MGAT1: variants seen among roughly 807,000 people sequenced by gnomAD.
MGAT1 encodes the protein alpha-1,3-mannosyl-glycoprotein 2-beta-N-acetylglucosaminyltransferase.
Under a neutral mutation model 31.7 loss-of-function variants are expected in MGAT1, and 14 were observed. The ratio of observed to expected loss-of-function variants is 0.44; its 90% CI spans 0.29 to 0.69. The LOEUF is 0.69. MGAT1 is among the 30% of genes least tolerant of loss of function. MGAT1 has a pLI of 0.12. For synonymous variants in MGAT1, 338 were observed against 276.0 expected, an observed-to-expected ratio of 1.22 and a Z score of -2.23; for missense variants, 557 against 626.0, an observed-to-expected ratio of 0.89 and a Z score of 1.18.
Position 180,786,773 on chromosome 5 carries a change from G to C in MGAT1, c.*4861C>G, listed in dbSNP as rs1327231691. Reference sequence around the variant, plus strand: ...TGACGGTGGAGGAACCCCCACACCAGCCTGCACCATCGACCTCTCATTTCC... The same window carrying C: ...TGACGGTGGAGGAACCCCCACACCACCCTGCACCATCGACCTCTCATTTCC... On this transcript the variant is annotated 3_prime_UTR_variant, in exon 2 of 2. Transcript: ENST00000307826. 1 of 152,506 alleles carries C rather than the reference G, an allele frequency of 6.6e-6. No individual in the cohort carries two copies. The highest frequency in any genetic ancestry group is 2.4e-5 in the African/African-American group (1 of 41,468). 9.4% of individuals were successfully genotyped at this position (152,506 alleles called of 1,614,324 possible).
chr5:180,813,899 G>A (rs896254074), intron 1 of MGAT1, among the ~76,000 whole-genome samples: 1 of 152,142 alleles, frequency 6.6e-6, no homozygotes, highest in African/African-American at 2.4e-5. Context: ...GTAGCCAGAG[G>A]GGCTACCTAC....
At chr5:180,793,203 G>A in intron 1 of MGAT1, 106 bp from the exon 2 acceptor site, 1 of 589,628 alleles carries the variant, frequency 1.7e-6, no homozygotes, top group Non-Finnish European at 3.0e-6. Flanking sequence ...GAGGGTGGAG[G>A]AAGGCCAGGA....
chr5:180,806,763 C>A (rs1054475339), upstream of MGAT1, among the ~76,000 whole-genome samples: 1 of 152,220 alleles, frequency 6.6e-6, no homozygotes, highest in Non-Finnish European at 1.5e-5. Flanking sequence ...GACTGGATCA[C>A]GTGATAGAAG....
chr5:180,801,844 C>T (rs1770836891), intron 1 of MGAT1, among the ~76,000 whole-genome samples: 1 of 152,142 alleles, frequency 6.6e-6, no homozygotes, highest in Admixed American at 6.5e-5. Flanking sequence ...TCAGGCATAC[C>T]GCAGTGCTTC....
chr5:180,786,614 C>T lies in MGAT1; in HGVS notation c.*5020G>A, dbSNP rs1278705195. On this transcript the variant is annotated 3_prime_UTR_variant, in exon 2 of 2. Transcript: ENST00000307826. The stretch of plus-strand genomic sequence containing the variant: ...CTTCCAAGAGAGGAGGAGGCAGCTG[C>T]CATCCACCCTTTACCTTCTTCCTTC... 6.6e-6 allele frequency: 1 copy of T among 152,416 alleles called. No homozygotes were observed. Among genetic ancestry groups the T allele is most frequent in the Admixed American group, 6.5e-5 (1 of 15,276 alleles). 9.4% of individuals were successfully genotyped at this position (152,416 alleles called of 1,614,324 possible).
chr5:180,791,767 C>T lies in MGAT1; in HGVS notation c.1205G>A (p.Gly402Asp). The T allele has an allele frequency of 6.2e-7, 1 of 1,614,076 alleles. No homozygotes were observed. The highest frequency in any genetic ancestry group is 8.5e-7 in the Non-Finnish European group (1 of 1,179,926). Residue 402 changes from glycine (G) to aspartate (D), a missense_variant, in exon 2 of 2, where the codon GGT (glycine) becomes GAT (aspartate). Gly to Asp is a moderately conservative substitution (Grantham distance 94, BLOSUM62 -1). Transcript: ENST00000307826. ...DSFKAFAKAL[G>D]VMDDLKSGVP... ...CCCCGACTTAAGGTCATCCATGACA[C>T]CCAGAGCCTTGGCGAAAGCCTTGAA...
Position 180,792,098 on chromosome 5 carries a change from T to G in MGAT1, c.874A>C (p.Met292Leu). Reference protein sequence around the residue: ...KWPKAFWDDWMRRPEQRQGRA... With the variant: ...KWPKAFWDDWLRRPEQRQGRA... ...CCCTGCCGCTGCTCCGGCCGCCGCA[T>G]CCAGTCGTCCCAGAAGGCCTTTGGC... The change falls in exon 2 of 2, where the codon ATG (methionine) becomes CTG (leucine). Residue 292 changes from methionine to leucine, a missense_variant. Physicochemically the swap from Met to Leu is conservative, Grantham distance 15. This residue lies in a region of MGAT1 where 245 missense variants were observed against 332.9 expected (regional missense o/e 0.74). Transcript: ENST00000307826. 6.2e-7 allele frequency: 1 copy of G among 1,613,276 alleles called. No homozygotes were observed. Among genetic ancestry groups the G allele is most frequent in the Non-Finnish European group, 8.5e-7 (1 of 1,179,902 alleles).
Position 180,789,794 on chromosome 5 carries a change from G to A in MGAT1, c.*1840C>T, listed in dbSNP as rs12163951. On this transcript the variant is annotated 3_prime_UTR_variant, in exon 2 of 2. Coordinates refer to ENST00000307826, the MANE Select transcript of MGAT1 (RefSeq NM_002406.4). ...AGGTGTGTGCCACCATGCCCAGCAA[G>A]TTTTTGTATTTTTAGTAGAGTATTT... 0.22 allele frequency: 33,413 copies of A among 151,822 alleles called. 3,894 individuals are homozygous for A. Among genetic ancestry groups the A allele is most frequent in the South Asian group, 0.35 (1,709 of 4,816 alleles). The allele number at this position is 151,822 out of a possible 1,614,324, so 9.4% of individuals were successfully genotyped here.
chr5:180,801,529 A>G (rs973947213), intron 1 of MGAT1, among the ~76,000 whole-genome samples: 1 of 152,228 alleles, frequency 6.6e-6, no homozygotes, highest in East Asian at 1.9e-4. Flanking sequence ...TACACTAAAT[A>G]ATTCAAGAGT....
At chr5:180,808,109 G>C (rs1304092846) in intron 2 of MGAT1, among the ~76,000 whole-genome samples, 2 of 152,158 alleles carry the variant, frequency 1.3e-5, no homozygotes, top group African/African-American at 2.4e-5. Flanking sequence ...ACTCCTTCCT[G>C]ACCCCCAAAC....
chr5:180,800,681 GGGAACCAC>G (rs1237748153), intron 1 of MGAT1, among the ~76,000 whole-genome samples: 1 of 152,150 alleles, frequency 6.6e-6, no homozygotes, highest in Non-Finnish European at 1.5e-5. Context: ...CACTGGTCAA[GGGAACCAC>G]AAGTCCCTAT....
chr5:180,802,496 C>A (rs1181950179), intron 1 of MGAT1, among the ~76,000 whole-genome samples, 184 bp downstream of exon 1: 3 of 152,184 alleles, frequency 2.0e-5, no homozygotes, highest in Non-Finnish European at 2.9e-5. Flanking sequence ...TCCAACCTCT[C>A]GGCTCGGGAA....
rs762882398 is a variant in MGAT1, at chr5:180,792,966, C to G, written c.6G>C (p.Leu2=). The G allele has an allele frequency of 1.9e-5, 31 of 1,613,316 alleles. 1 individual carries two copies. In the South Asian group the frequency reaches 3.4e-4, roughly 18 times the overall value. M[L]KKQSAGLVLW... is the part of the protein sequence containing the mutation. ...GCACAAGCCCTGCAGACTGCTTCTT[C>G]AGCATCCTGGCCCCCACCGGGGAGG... is the stretch of plus-strand genomic sequence containing the variant. Residue 2 remains leucine (L), a synonymous_variant, in exon 2 of 2, where the codon CTG becomes CTC. Coordinates refer to ENST00000307826, the MANE Select transcript of MGAT1 (RefSeq NM_002406.4).
In MGAT1 at chr5:180,799,292, T is replaced by G. The variant is rs1361228772; in HGVS notation, c.-127+3388A>C. Among the ~76,000 whole-genome samples, 6 of 152,124 alleles carry G rather than the reference T, an allele frequency of 3.9e-5. No individual in the cohort carries two copies. In the South Asian group the frequency reaches 8.3e-4, roughly 21 times the overall value. On this transcript the variant is annotated intron_variant, in intron 1 of 1. Transcript: ENST00000307826. ...ACCCTGCACTCTGGCCTCAGCAGGC[T>G]GCTTTTTCCCCAGTAAGCATATACC...
chr5:180,807,134 A>G (rs1771981549), upstream of MGAT1, among the ~76,000 whole-genome samples: 1 of 152,216 alleles, frequency 6.6e-6, no homozygotes, highest in Admixed American at 6.5e-5. Context: ...AAAAAAATTT[A>G]ACATGGAAAG....
At chr5:180,797,685 A>G (rs977734036) in intron 1 of MGAT1, among the ~76,000 whole-genome samples, 1 of 149,688 alleles carries the variant, frequency 6.7e-6, no homozygotes, top group Admixed American at 6.6e-5. Context: ...ACACACATGG[A>G]GTGGCTGCAG....
At chr5:180,799,552 T>C (rs1014595423) in intron 1 of MGAT1, among the ~76,000 whole-genome samples, 4 of 152,154 alleles carry the variant, frequency 2.6e-5, no homozygotes, top group Non-Finnish European at 5.9e-5. Flanking sequence ...GAAAAAAGAC[T>C]CTATGACCTC....
chr5:180,792,065 A>G lies in MGAT1; in HGVS notation c.907T>C (p.Cys303Arg). The G allele has an allele frequency of 6.2e-7, 1 of 1,612,964 alleles. No individual in the cohort carries two copies. The highest frequency in any genetic ancestry group is 1.3e-5 in the African/African-American group (1 of 75,046). The change falls in exon 2 of 2, where the codon TGC becomes CGC. Residue 303 changes from cysteine (C) to arginine (R), a missense_variant. Transcript: ENST00000307826. ...GTTCTTGAGATCTCAGGGCGTATGC[A>G]GGCCCGCCCCTGCCGCTGCTCCGGC... ...RRPEQRQGRA[C>R]IRPEISRTMT...
chr5:180,808,005 T>G, intron 2 of MGAT1, among the ~76,000 whole-genome samples: 1 of 152,240 alleles, frequency 6.6e-6, no homozygotes, highest in East Asian at 1.9e-4. Flanking sequence ...GTAAGGGACC[T>G]GGAAAGTCAG....
Sources: allele counts gnomAD v4.1 joint callset (sites outside exome capture counted in the v4.1 genomes callset), GRCh38; gene constraint gnomAD v4.1.1; regional missense constraint gnomAD v4.1.1; transcripts MANE v1.5; gene names NCBI Gene and HGNC (gene_info 2026-07-23, HGNC 2026-07-21).